NTM: variants seen among roughly 807,000 people sequenced by gnomAD.
NTM encodes the protein IgLON family member 2.
NTM carries 13 observed loss-of-function variants against 42.1 expected under a neutral mutation model. The ratio of observed to expected loss-of-function variants is 0.31; its 90% CI spans 0.20 to 0.49. NTM has a LOEUF of 0.49. Among genes scored for constraint, NTM ranks in the 20% least tolerant of loss-of-function variants. The probability of loss-of-function intolerance (pLI) is 0.99; values close to 1 mark genes in which losing one functional copy is unlikely to be tolerated. For synonymous variants in NTM, 187 were observed against 179.2 expected (o/e 1.04, Z -0.35); for missense variants, 373 against 452.8 (o/e 0.82, Z 1.60).
intron 2 of NTM, among the ~76,000 whole-genome samples, chr11:131,971,544 T>A (rs1272459908): frequency 1.3e-5 from 2 of 152,130 alleles, no homozygotes; most frequent in East Asian, 3.9e-4. Flanking sequence ...CTCTTACCAT[T>A]TGTCAGTGGG....
chr11:132,254,685 C>T (rs540442359), intron 4 of NTM, among the ~76,000 whole-genome samples: 19 of 152,206 alleles, frequency 1.2e-4, no homozygotes, highest in African/African-American at 4.6e-4. Context: ...ACTGGAAGAC[C>T]GCACCACCAT....
chr11:132,334,371 CTTTG>C (rs976747899), intron 8 of NTM, among the ~76,000 whole-genome samples: 10 of 152,280 alleles, frequency 6.6e-5, no homozygotes, highest in Admixed American at 3.3e-4. Context: ...CTTCCTGTTC[CTTTG>C]TTTGACTCAC....
intron 1 of NTM, among the ~76,000 whole-genome samples, chr11:131,388,845 C>T (rs754774778): frequency 6.6e-6 from 1 of 151,236 alleles, no homozygotes; most frequent in African/African-American, 2.4e-5. Flanking sequence ...AACCTCATCT[C>T]TACTAAAAAT....
At chr11:132,164,500 T>G (rs1268035085) in intron 3 of NTM, among the ~76,000 whole-genome samples, 4 of 152,192 alleles carry the variant, frequency 2.6e-5, no homozygotes, top group Non-Finnish European at 5.9e-5. Flanking sequence ...TTTCTTTATT[T>G]GACTATGAAC....
intron 2 of NTM, among the ~76,000 whole-genome samples, chr11:132,097,121 G>T (rs192982313): frequency 6.6e-6 from 1 of 152,168 alleles, no homozygotes; most frequent in Admixed American, 6.5e-5. Context: ...CCTGTAAATG[G>T]AATTCCTGAG....
At position 131,761,478 on chromosome 11, in the gene NTM, G is replaced by A. The variant is rs546152091; in HGVS notation, c.83-150086G>A. Reference sequence around the variant, plus strand: ...ATTAGGGCTAAATATAGTGATGAGGGTGAGGCCTGCGTGATTGGAATTAGT... The same window carrying A: ...ATTAGGGCTAAATATAGTGATGAGGATGAGGCCTGCGTGATTGGAATTAGT... On this transcript the variant is annotated intron_variant, in intron 1 of 8. Transcript: ENST00000683400. Among the ~76,000 whole-genome samples, 48 of 152,204 alleles carry A rather than the reference G, an allele frequency of 3.2e-4. No homozygotes were observed. In the South Asian group the frequency reaches 9.5e-3, roughly 30 times the overall value.
chr11:131,732,746 T>C (rs1031126773), intron 1 of NTM, among the ~76,000 whole-genome samples: 3 of 152,214 alleles, frequency 2.0e-5, no homozygotes, highest in Non-Finnish European at 4.4e-5. Flanking sequence ...GGAGTAATTC[T>C]TAGCGGAGTC....
At chr11:132,160,864 C>T (rs1346349406) in intron 3 of NTM, among the ~76,000 whole-genome samples, 1 of 152,134 alleles carries the variant, frequency 6.6e-6, no homozygotes, top group Non-Finnish European at 1.5e-5. Context: ...AAGCATCCCC[C>T]GCAGGCAGTG....
rs1474897418 is a variant in NTM at position 132,079,738 on chromosome 11, G to A, written c.168-66544G>A. On this transcript the variant is annotated intron_variant, in intron 2 of 8. Coordinates refer to ENST00000683400, the MANE Select transcript of NTM (RefSeq NM_001352005.2). ...ACACTAAAAGTGTACACAATGTTCT[G>A]GATGGGGTCTGTCCAGTATGAAGTA... 5.9e-5 allele frequency among the ~76,000 whole-genome samples: 9 copies of A among 152,134 alleles called. 1 individual carries two copies. Among genetic ancestry groups the A allele is most frequent in the Admixed American group, 5.9e-4 (9 of 15,280 alleles).
chr11:131,444,203 CAAAA>C (rs71475757), intron 1 of NTM, among the ~76,000 whole-genome samples: 1,140 of 49,516 alleles, frequency 0.023, 8 homozygotes, highest in African/African-American at 0.083. Flanking sequence ...AGGTTAGAAC[CAAAA>C]AAAAAAAAAA....
intron 1 of NTM, among the ~76,000 whole-genome samples, chr11:131,761,842 A>C (rs1011305181): frequency 6.6e-6 from 1 of 150,816 alleles, no homozygotes; most frequent in African/African-American, 2.4e-5. Flanking sequence ...TAAATAAATA[A>C]ATAAATAAAT....
At chr11:132,215,494 C>T (rs1049181555) in intron 4 of NTM, among the ~76,000 whole-genome samples, 17 of 152,130 alleles carry the variant, frequency 1.1e-4, no homozygotes, top group African/African-American at 3.4e-4. Flanking sequence ...CTATTTTAGA[C>T]GTGGCTCATA....
intron 1 of NTM, among the ~76,000 whole-genome samples, chr11:131,563,453 A>G (rs915338353): frequency 2.6e-5 from 4 of 152,170 alleles, no homozygotes; most frequent in South Asian, 2.1e-4. Flanking sequence ...CATCTTCTCT[A>G]CAAGGCTCGT....
At chr11:131,550,443 C>T (rs1166322297) in intron 1 of NTM, among the ~76,000 whole-genome samples, 1 of 152,116 alleles carries the variant, frequency 6.6e-6, no homozygotes, top group African/African-American at 2.4e-5. Flanking sequence ...TGAATTTCCC[C>T]CTTGGTGCTG....
intron 1 of NTM, among the ~76,000 whole-genome samples, chr11:131,889,830 G>A (rs1032428892): frequency 1.9e-4 from 29 of 152,234 alleles, no homozygotes; most frequent in African/African-American, 6.0e-4. Flanking sequence ...TTTGCATGAG[G>A]GATCAGTAGC....
intron 1 of NTM, among the ~76,000 whole-genome samples, chr11:131,517,405 C>T (rs2049028538): frequency 6.6e-6 from 1 of 152,156 alleles, no homozygotes; most frequent in South Asian, 2.1e-4. Flanking sequence ...TGAATATCAG[C>T]ACTGAGTGCA....
intron 2 of NTM, among the ~76,000 whole-genome samples, chr11:131,958,509 T>TAAC (rs1265255683): frequency 1.3e-5 from 2 of 152,224 alleles, no homozygotes; most frequent in Non-Finnish European, 2.9e-5. Flanking sequence ...TTATTTGTAT[T>TAAC]AACAGTTTCT....
chr11:132,204,343 A>G (rs1033379754), intron 3 of NTM, among the ~76,000 whole-genome samples: 5 of 152,250 alleles, frequency 3.3e-5, no homozygotes, highest in Non-Finnish European at 7.3e-5. Context: ...GAGAGAATAC[A>G]GTAATTCATT....
chr11:132,189,841 C>T (rs760353855), intron 3 of NTM, among the ~76,000 whole-genome samples: 1 of 152,162 alleles, frequency 6.6e-6, no homozygotes, highest in Non-Finnish European at 1.5e-5. Context: ...AATGAACAAT[C>T]GTTTGTGGTG....
Sources: allele counts gnomAD v4.1 joint callset (sites outside exome capture counted in the v4.1 genomes callset), GRCh38; gene constraint gnomAD v4.1.1; transcripts MANE v1.5; gene names NCBI Gene and HGNC (gene_info 2026-07-23, HGNC 2026-07-21).